The following TUBGCP3 variants were observed in gnomAD, a reference collection of about 807,000 sequenced individuals.
TUBGCP3 encodes the protein gamma-tubulin complex component 3.
TUBGCP3 carries 50 observed loss-of-function variants against 123.1 expected under a neutral mutation model. That is an observed-to-expected ratio of 0.41 (90% CI 0.32 to 0.51). The LOEUF (loss-of-function observed/expected upper bound fraction) is 0.51, where lower values mean the gene tolerates loss of function less well. TUBGCP3 is among the 20% of genes least tolerant of loss of function. The pLI, the probability that TUBGCP3 is intolerant of heterozygous loss-of-function variation, is 0.36. For missense variants in TUBGCP3, 882 were observed against 1,127.0 expected, an observed-to-expected ratio of 0.78 and a Z score of 3.11; for synonymous variants, 405 against 413.9, an observed-to-expected ratio of 0.98 and a Z score of 0.26.
At chr13:112,591,149 G>A (rs1265512031), upstream of TUBGCP3, among the ~76,000 whole-genome samples, 3 of 152,186 alleles carry the variant, frequency 2.0e-5, no homozygotes, top group Non-Finnish European at 2.9e-5. Context: ...CCACCAAGGA[G>A]GAAGGAACCT....
At chr13:112,602,010 C>T in the TUBGCP3 span, among the ~76,000 whole-genome samples, 1 of 152,192 alleles carries the variant, frequency 6.6e-6, no homozygotes, top group Non-Finnish European at 1.5e-5. Flanking sequence ...ATCCTCACAA[C>T]AACTGAACAA....
intron 1 of TUBGCP3, among the ~76,000 whole-genome samples, chr13:112,578,217 G>A (rs1881988146): frequency 6.6e-6 from 1 of 151,850 alleles, no homozygotes; most frequent in South Asian, 2.1e-4. Context: ...TAGACTTGCT[G>A]GCTCCTTGCT....
At chr13:112,535,203 T>G (rs1877945317) in intron 11 of TUBGCP3, among the ~76,000 whole-genome samples, 1 of 152,274 alleles carries the variant, frequency 6.6e-6, no homozygotes, top group South Asian at 2.1e-4. Flanking sequence ...TGATGGACAC[T>G]GGACCTGTTT....
rs774847893 is a variant in TUBGCP3 at position 112,556,357 on chromosome 13, T to C, written c.549-133A>G. 2.2e-4 allele frequency: 194 copies of C among 881,720 alleles called. 3 individuals are homozygous for C. In the South Asian group the frequency reaches 2.4e-3, roughly 11 times the overall value. 54.6% of individuals were successfully genotyped at this position (881,720 alleles called of 1,614,324 possible). The stretch of plus-strand genomic sequence containing the variant: ...AATCTGGTATAGCTGATACCATGAC[T>C]TTACCCTAACCGAATATATCAATAA... On this transcript the variant is annotated intron_variant, in intron 5 of 21. Transcript: ENST00000261965.
intron 20 of TUBGCP3, among the ~76,000 whole-genome samples, chr13:112,493,324 T>G (rs1207203382): frequency 1.8e-4 from 19 of 107,718 alleles, no homozygotes; most frequent in African/African-American, 4.1e-4. Flanking sequence ...TATAGGAACA[T>G]GGCCTGGTAT....
intron 14 of TUBGCP3, among the ~76,000 whole-genome samples, chr13:112,521,133 C>T (rs1331533054): frequency 3.3e-5 from 5 of 152,240 alleles, no homozygotes; most frequent in African/African-American, 7.2e-5. Context: ...CCCACATACA[C>T]ACCCCATGCC....
At chr13:112,573,932 C>T (rs1289107713) in intron 1 of TUBGCP3, among the ~76,000 whole-genome samples, 1 of 152,266 alleles carries the variant, frequency 6.6e-6, no homozygotes. Context: ...GGAAGTGGAA[C>T]TATGAGTGGC....
chr13:112,568,243 A>G (rs1442107547), intron 2 of TUBGCP3, among the ~76,000 whole-genome samples: 1 of 152,134 alleles, frequency 6.6e-6, no homozygotes. Context: ...ATGGACTTCT[A>G]GAAGGTGTTA....
At chr13:112,564,992 A>AG (rs1880843684) in intron 3 of TUBGCP3, 119 bp downstream of exon 3, 1 of 775,026 alleles carries the variant, frequency 1.3e-6, no homozygotes, top group African/African-American at 1.8e-5. Context: ...TATAATTAAA[A>AG]GCAATTACCA....
At chr13:112,546,605 T>A (rs1288976530) in intron 10 of TUBGCP3, 2 of 152,272 alleles carry the variant, frequency 1.3e-5, no homozygotes, top group African/African-American at 2.4e-5. Context: ...AGATTGAATA[T>A]GGGGATCGGA....
At chr13:112,601,574 A>T in the TUBGCP3 span, among the ~76,000 whole-genome samples, 14 of 152,142 alleles carry the variant, frequency 9.2e-5, no homozygotes, top group African/African-American at 3.1e-4. Flanking sequence ...TGACATCTGG[A>T]ATGTCGGGTT....
chr13:112,543,022 C>A lies in TUBGCP3; in HGVS notation c.1335+2677G>T, dbSNP rs561951241. Among the ~76,000 whole-genome samples the A allele has an allele frequency of 3.9e-5, 6 of 152,254 alleles. No individual in the cohort carries two copies. The South Asian group carries it at 1.2e-3, about 32-fold the overall frequency. On this transcript the variant is annotated intron_variant, in intron 11 of 21. Transcript: ENST00000261965. ...AAACTTAGCTGGGCGTAGCAGCGTG[C>A]GCCTGTAGTTCCAGCTACTTGGGAG...
At chr13:112,590,136 C>T (rs1008011593), upstream of TUBGCP3, among the ~76,000 whole-genome samples, 15 of 152,118 alleles carry the variant, frequency 9.9e-5, no homozygotes, top group Admixed American at 5.9e-4. Flanking sequence ...GCCACCATGC[C>T]GGGCTAATTT....
Position 112,545,760 on chromosome 13 carries a change from G to T in TUBGCP3, c.1274C>A (p.Pro425His). 1 of 1,614,196 alleles carries T rather than the reference G, an allele frequency of 6.2e-7. No individual in the cohort carries two copies. The highest frequency in any genetic ancestry group is 8.5e-7 in the Non-Finnish European group (1 of 1,180,038). ...CCAGCGGTACAGGAAGCTCAAAACA[G>T]GATGAGACACGAGGCTGAGGATGTG... Reference protein sequence around the residue: ...VQHILSLVSHPVLSFLYRWIY... With the variant: ...VQHILSLVSHHVLSFLYRWIY... Residue 425 changes from proline (P) to histidine (H), a missense_variant, in exon 11 of 22, where the codon CCT becomes CAT. Physicochemically the swap from Pro to His is moderately conservative, Grantham distance 77 (BLOSUM62 -2). Around this residue, in one of 3 missense-constraint regions of TUBGCP3, gnomAD observed 713 missense variants for 874.0 expected, o/e 0.82. Coordinates refer to ENST00000261965, the MANE Select transcript of TUBGCP3 (RefSeq NM_006322.6). The surrounding 1 kb of genome is among the most constrained non-coding windows in gnomAD (Gnocchi z 4.1).
At chr13:112,520,087 A>T (rs1876486887) in intron 14 of TUBGCP3, 66 bp from the exon 15 acceptor site, 2 of 1,472,520 alleles carry the variant, frequency 1.4e-6, no homozygotes, top group Non-Finnish European at 1.8e-6. Context: ...TAAAAAACGT[A>T]TAAACTATTA....
At chr13:112,543,022 C>T (rs561951241) in intron 11 of TUBGCP3, among the ~76,000 whole-genome samples, 185 of 152,254 alleles carry the variant, frequency 1.2e-3, no homozygotes, top group African/African-American at 4.1e-3. Flanking sequence ...TAGCAGCGTG[C>T]GCCTGTAGTT....
intron 5 of TUBGCP3, among the ~76,000 whole-genome samples, chr13:112,557,696 G>A (rs1323062504): frequency 1.3e-5 from 2 of 152,170 alleles, no homozygotes; most frequent in African/African-American, 2.4e-5. Context: ...TAAAACCTTC[G>A]TTGTGCATTC....
intron 21 of TUBGCP3, among the ~76,000 whole-genome samples, chr13:112,488,610 G>T (rs1879839494): frequency 6.6e-6 from 1 of 150,916 alleles, no homozygotes; most frequent in Non-Finnish European, 1.5e-5. Context: ...CCACCCCCAG[G>T]TCCCCACACC....
chr13:112,502,697 C>T lies in TUBGCP3; in HGVS notation c.2307+1335G>A, dbSNP rs571872195. Among the ~76,000 whole-genome samples the T allele has an allele frequency of 6.6e-5, 10 of 151,950 alleles. No homozygotes were observed. In the East Asian group the frequency reaches 1.9e-3, roughly 29 times the overall value. On this transcript the variant is annotated intron_variant, in intron 19 of 21. Transcript: ENST00000261965. ...AGTAGCTGGGAGTACAGGTGTCCAC[C>T]ACCACACCTGGCTAATTTTTTGTAT...
Sources: gnomAD v4.1 joint callset for allele counts (sites outside exome capture counted in the v4.1 genomes callset) on GRCh38, gnomAD v4.1.1 for gene constraint, gnomAD v4.1.1 regional missense constraint, Gnocchi (gnomAD v3.1) non-coding constraint, MANE v1.5 for transcripts, NCBI Gene and HGNC (gene_info 2026-07-23, HGNC 2026-07-21) for gene names.